TMEM132B: variants seen among roughly 807,000 people sequenced by gnomAD.
TMEM132B encodes transmembrane protein 132B.
A neutral mutation model predicts 90.8 loss-of-function variants in TMEM132B; 18 were observed. The observed-to-expected ratio is 0.20, with a 90% CI of 0.14 to 0.29. TMEM132B has a LOEUF of 0.29. Ranked by LOEUF, TMEM132B falls within the 10% of genes least tolerant of loss-of-function variation. The pLI is 1.00. For synonymous variants in TMEM132B, 504 were observed against 523.3 expected (o/e 0.96, Z 0.50); for missense variants, 1,096 against 1,326.8 (o/e 0.83, Z 2.70).
At chr12:125,297,915 C>T (rs1279878073) in intron 1 of TMEM132B, among the ~76,000 whole-genome samples, 13 of 152,174 alleles carry the variant, frequency 8.5e-5, no homozygotes, top group African/African-American at 2.9e-4. Flanking sequence ...CTCCTTTCTC[C>T]GCTGGACCAT....
intron 3 of TMEM132B, among the ~76,000 whole-genome samples, chr12:125,431,544 T>C (rs1039766506): frequency 2.0e-5 from 3 of 150,238 alleles, no homozygotes; most frequent in Non-Finnish European, 2.9e-5. Context: ...TTGCTTTGTG[T>C]GGATGTCTCA....
chr12:125,274,352 A>G (rs572194356), intron 1 of TMEM132B, among the ~76,000 whole-genome samples: 50 of 152,156 alleles, frequency 3.3e-4, no homozygotes, highest in Non-Finnish European at 6.9e-4. Context: ...ACATTTTTGT[A>G]TGTGTATCCC....
intron 3 of TMEM132B, among the ~76,000 whole-genome samples, chr12:125,462,226 C>T (rs1881456331): frequency 1.3e-5 from 2 of 152,206 alleles, no homozygotes; most frequent in Non-Finnish European, 1.5e-5. Context: ...GGATTTCAAA[C>T]TGATTGACCA....
At chr12:125,283,965 C>T (rs1875273983) in intron 1 of TMEM132B, among the ~76,000 whole-genome samples, 1 of 152,290 alleles carries the variant, frequency 6.6e-6, no homozygotes, top group East Asian at 1.9e-4. Context: ...GAGTCAGTAG[C>T]CATGGTTGGT....
chr12:125,259,676 A>T (rs746883600), intron 1 of TMEM132B, among the ~76,000 whole-genome samples: 20 of 152,306 alleles, frequency 1.3e-4, no homozygotes, highest in South Asian at 4.1e-4. Context: ...CTCATTACTT[A>T]CGCACAGAAA....
chr12:125,370,394 G>C (rs1344945428), intron 2 of TMEM132B, among the ~76,000 whole-genome samples: 2 of 152,202 alleles, frequency 1.3e-5, no homozygotes, highest in South Asian at 4.1e-4. Flanking sequence ...AAAACATCAC[G>C]TGCATCCAAG....
chr12:125,296,802 T>G (rs1875683443), intron 1 of TMEM132B, among the ~76,000 whole-genome samples: 1 of 152,202 alleles, frequency 6.6e-6, no homozygotes, highest in African/African-American at 2.4e-5. Context: ...GGGACCAGGC[T>G]GTCTGGGCAG....
At chr12:125,419,620 A>G (rs779735928) in intron 3 of TMEM132B, among the ~76,000 whole-genome samples, 10 of 152,120 alleles carry the variant, frequency 6.6e-5, no homozygotes, top group Non-Finnish European at 1.0e-4. Context: ...CAGCCAAACC[A>G]TATCATTCCA....
At position 125,654,152 on chromosome 12, in the gene TMEM132B, G is replaced by T; in HGVS notation, c.2694G>T (p.Gly898=). The T allele has an allele frequency of 1.9e-6, 3 of 1,614,228 alleles. No individual in the cohort carries two copies. The highest frequency in any genetic ancestry group is 4.5e-5 in the East Asian group (2 of 44,884). Residue 898 remains glycine, a synonymous_variant, in exon 9 of 9, where the codon GGG becomes GGT. Coordinates refer to ENST00000682704, the MANE Select transcript of TMEM132B (RefSeq NM_001366854.1). This position sits in a 1 kb window ranked among gnomAD's most constrained non-coding sequence, Gnocchi z 5.8. ...GTGACCTCACAGTGACCTCAAGGGGGCTAACGGACTTGGAGATTGGCATGT... is the reference window on the plus strand; with the variant it reads ...GTGACCTCACAGTGACCTCAAGGGGTCTAACGGACTTGGAGATTGGCATGT... ...NPSDLTVTSR[G]LTDLEIGMYA...
chr12:125,418,560 G>T (rs145555667), intron 3 of TMEM132B, among the ~76,000 whole-genome samples: 3 of 152,208 alleles, frequency 2.0e-5, no homozygotes, highest in East Asian at 3.9e-4. Flanking sequence ...GTGAAGTACA[G>T]GCTCGTGGAC....
intron 3 of TMEM132B, among the ~76,000 whole-genome samples, chr12:125,472,030 A>G (rs1435700153): frequency 6.6e-6 from 1 of 152,182 alleles, no homozygotes; most frequent in Non-Finnish European, 1.5e-5. Context: ...TGGGTGCTCA[A>G]TAAGCACTCA....
rs530808397 is a variant in TMEM132B at position 125,608,747 on chromosome 12, G to A, written c.1437+24753G>A. On this transcript the variant is annotated intron_variant, in intron 5 of 8. Coordinates refer to ENST00000682704, the MANE Select transcript of TMEM132B (RefSeq NM_001366854.1). Reference sequence around the variant, plus strand: ...CATTTAGAATTAGTTTTTATGTATGGTTTGAATAAAGATAACTTCATTTTC... The same window carrying A: ...CATTTAGAATTAGTTTTTATGTATGATTTGAATAAAGATAACTTCATTTTC... Among the ~76,000 whole-genome samples, 16 of 151,948 alleles carry A rather than the reference G, an allele frequency of 1.1e-4. 1 individual carries two copies. In the South Asian group the frequency reaches 3.3e-3, roughly 32 times the overall value.
At chr12:125,419,260 G>A (rs1880106305) in intron 3 of TMEM132B, among the ~76,000 whole-genome samples, 1 of 152,136 alleles carries the variant, frequency 6.6e-6, no homozygotes. Flanking sequence ...CACTGTGAAG[G>A]GTACTGTATT....
At chr12:125,268,678 C>T (rs1026682306) in intron 1 of TMEM132B, among the ~76,000 whole-genome samples, 2 of 152,140 alleles carry the variant, frequency 1.3e-5, no homozygotes, top group South Asian at 2.1e-4. Context: ...AAACTGATAA[C>T]GTTGCTTGCT....
At chr12:125,626,947 C>A (rs1886247915) in intron 5 of TMEM132B, among the ~76,000 whole-genome samples, 1 of 152,202 alleles carries the variant, frequency 6.6e-6, no homozygotes, top group African/African-American at 2.4e-5. Flanking sequence ...GACCATTTGA[C>A]CCTCTCACAG....
intron 4 of TMEM132B, among the ~76,000 whole-genome samples, chr12:125,556,260 G>A (rs915376455): frequency 6.6e-5 from 10 of 152,036 alleles, no homozygotes; most frequent in South Asian, 2.1e-4. Flanking sequence ...AAGTTCTTTC[G>A]TTATCCTGAC....
chr12:125,313,397 A>G (rs975215402), intron 1 of TMEM132B, among the ~76,000 whole-genome samples: 1 of 150,198 alleles, frequency 6.7e-6, no homozygotes, highest in African/African-American at 2.5e-5. Flanking sequence ...TTGCTCTTTA[A>G]CTCTTTTATT....
At chr12:125,643,459 T>C (rs111737512) in intron 5 of TMEM132B, among the ~76,000 whole-genome samples, 2,850 of 152,328 alleles carry the variant, frequency 0.019, 40 homozygotes, top group Middle Eastern at 0.054. Flanking sequence ...TACTGAAGCA[T>C]GCACATTAGA....
rs1380225388 is a variant in TMEM132B at position 125,568,034 on chromosome 12, T to C, written c.1294-15817T>C. 2.6e-5 allele frequency among the ~76,000 whole-genome samples: 4 copies of C among 152,154 alleles called. No homozygotes were observed. In the East Asian group the frequency reaches 7.7e-4, roughly 29 times the overall value. The stretch of plus-strand genomic sequence containing the variant: ...TCTGTCTCTCTCCCTGACCCTCTCA[T>C]TGTGTCTATAACTCTGGCTTTCTCT... On this transcript the variant is annotated intron_variant, in intron 4 of 8. Coordinates refer to ENST00000682704, the MANE Select transcript of TMEM132B (RefSeq NM_001366854.1).
Sources: gnomAD v4.1 joint callset for allele counts (sites outside exome capture counted in the v4.1 genomes callset) on GRCh38, gnomAD v4.1.1 for gene constraint, Gnocchi (gnomAD v3.1) non-coding constraint, MANE v1.5 for transcripts, NCBI Gene and HGNC (gene_info 2026-07-23, HGNC 2026-07-21) for gene names.